Variants in NPAS2 observed in about 807,000 individuals in gnomAD.
NPAS2 encodes neuronal PAS domain-containing protein 2.
A neutral mutation model predicts 107.5 loss-of-function variants in NPAS2; 23 were observed. That is an observed-to-expected ratio of 0.21 (90% confidence interval 0.15 to 0.30). The LOEUF (loss-of-function observed/expected upper bound fraction) is 0.30. Among genes scored for constraint, NPAS2 ranks in the 10% least tolerant of loss-of-function variants. The pLI is 1.00. For missense variants in NPAS2, 756 were observed against 1,043.3 expected, an observed-to-expected ratio of 0.72 and a Z score of 3.79; for synonymous variants, 403 against 417.5, an observed-to-expected ratio of 0.97 and a Z score of 0.42.
chr2:100,961,191 G>A (rs1419090119), intron 7 of NPAS2, among the ~76,000 whole-genome samples: 2 of 152,108 alleles, frequency 1.3e-5, no homozygotes, highest in Non-Finnish European at 2.9e-5. Flanking sequence ...AAACTACCTT[G>A]GGATACAAAG....
At chr2:100,952,101 G>A (rs546861818) in intron 7 of NPAS2, among the ~76,000 whole-genome samples, 241 of 145,368 alleles carry the variant, frequency 1.7e-3, no homozygotes, top group African/African-American at 5.6e-3. Flanking sequence ...GCAGTGAGCC[G>A]AGATCGTGCC....
intron 12 of NPAS2, among the ~76,000 whole-genome samples, chr2:100,973,255 C>A (rs1485854280): frequency 6.6e-6 from 1 of 152,102 alleles, no homozygotes; most frequent in Admixed American, 6.5e-5. Context: ...CCCAAACTAT[C>A]CGTGGTATTG....
chr2:100,965,387 T>C lies in NPAS2; in HGVS notation c.801-273T>C, dbSNP rs772773322. Among the ~76,000 whole-genome samples, 3 of 152,216 alleles carry C rather than the reference T, an allele frequency of 2.0e-5. No individual in the cohort carries two copies. The highest frequency in any genetic ancestry group is 4.4e-5 in the Non-Finnish European group (3 of 68,032). On this transcript the variant is annotated intron_variant, in intron 9 of 20. Coordinates refer to ENST00000335681, the MANE Select transcript of NPAS2 (RefSeq NM_002518.4). This position sits in a 1 kb window ranked among gnomAD's most constrained non-coding sequence, Gnocchi z 4.3. ...ACTTTGGTGTTGGGCTGATCCAATT[T>C]GTAGCTGTTTTTAATTACCCAGTAG...
At chr2:100,975,696 G>C (rs1676942616) in intron 14 of NPAS2, 129 bp downstream of exon 14, 1 of 600,788 alleles carries the variant, frequency 1.7e-6, no homozygotes. Flanking sequence ...TAGGGTGGCA[G>C]ATGGGGGTGG....
intron 1 of NPAS2, among the ~76,000 whole-genome samples, chr2:100,898,785 TAAAAA>T (rs3042765): frequency 6.9e-6 from 1 of 144,212 alleles, no homozygotes. Flanking sequence ...GTCTTTCACC[TAAAAA>T]AAAAAAAAAA....
intron 1 of NPAS2, 111 bp from the exon 2 acceptor site, chr2:100,904,622 A>G: frequency 1.3e-6 from 1 of 755,108 alleles, no homozygotes; most frequent in Non-Finnish European, 2.2e-6. Context: ...AACAAGTTTG[A>G]GAACCACTGG....
At chr2:100,865,061 AT>A (rs1305419365) in intron 1 of NPAS2, among the ~76,000 whole-genome samples, 1 of 152,192 alleles carries the variant, frequency 6.6e-6, no homozygotes, top group Non-Finnish European at 1.5e-5. Context: ...TCCACTGTAC[AT>A]TTGTGAGAAA....
chr2:100,938,215 A>C (rs1288993715), intron 5 of NPAS2, among the ~76,000 whole-genome samples: 2 of 152,154 alleles, frequency 1.3e-5, no homozygotes, highest in Non-Finnish European at 2.9e-5. Flanking sequence ...TGATCAAGGG[A>C]GAGGACAACA....
At chr2:100,879,100 G>A (rs1329983803) in intron 1 of NPAS2, among the ~76,000 whole-genome samples, 3 of 148,454 alleles carry the variant, frequency 2.0e-5, no homozygotes, top group Non-Finnish European at 3.0e-5. Flanking sequence ...GCGACAGAGC[G>A]AGACTCTGTC....
At chr2:100,829,911 G>A (rs1178110846) in intron 1 of NPAS2, among the ~76,000 whole-genome samples, 1 of 152,136 alleles carries the variant, frequency 6.6e-6, no homozygotes, top group Non-Finnish European at 1.5e-5. Context: ...TCACTCCTAA[G>A]TGATAGTGCA....
intron 2 of NPAS2, among the ~76,000 whole-genome samples, chr2:100,921,793 G>A (rs1683244487): frequency 6.6e-6 from 1 of 152,088 alleles, no homozygotes; most frequent in Non-Finnish European, 1.5e-5. Flanking sequence ...TTAAACATAC[G>A]CTTAGCAGAT....
At chr2:100,920,950 C>T (rs757076286) in intron 2 of NPAS2, among the ~76,000 whole-genome samples, 7 of 152,218 alleles carry the variant, frequency 4.6e-5, no homozygotes, top group Non-Finnish European at 5.9e-5. Context: ...CTTGATTTCC[C>T]GCAGTACCCT....
intron 1 of NPAS2, among the ~76,000 whole-genome samples, chr2:100,824,261 G>A (rs1012722903): frequency 6.6e-6 from 1 of 152,198 alleles, no homozygotes; most frequent in East Asian, 1.9e-4. Context: ...GCAGGCAGCT[G>A]TGGAAGCTAA....
At chr2:100,865,709 T>C (rs888253381) in intron 1 of NPAS2, among the ~76,000 whole-genome samples, 1 of 152,274 alleles carries the variant, frequency 6.6e-6, no homozygotes, top group South Asian at 2.1e-4. Flanking sequence ...GGATCTCCAA[T>C]GCACATGCAG....
At chr2:100,933,490 T>C (rs1684103757) in intron 4 of NPAS2, among the ~76,000 whole-genome samples, 1 of 152,210 alleles carries the variant, frequency 6.6e-6, no homozygotes, top group African/African-American at 2.4e-5. Flanking sequence ...CATACAGATA[T>C]CAGCCACAGG....
chr2:100,842,081 G>GCGCGTGCACACACACACACACACACACA, intron 1 of NPAS2, among the ~76,000 whole-genome samples: 1 of 148,798 alleles, frequency 6.7e-6, no homozygotes, highest in Non-Finnish European at 1.5e-5. Flanking sequence ...GCATGTACGC[G>GCGCGTGCACACACACACACACACACACA]CACACACACA....
At chr2:100,880,970 T>G (rs1008139940) in intron 1 of NPAS2, among the ~76,000 whole-genome samples, 1 of 151,700 alleles carries the variant, frequency 6.6e-6, no homozygotes, top group Non-Finnish European at 1.5e-5. Flanking sequence ...GACTGTAGAG[T>G]GCCTGTCGGG....
chr2:100,909,638 T>C (rs1682404987), intron 2 of NPAS2, among the ~76,000 whole-genome samples: 1 of 152,180 alleles, frequency 6.6e-6, no homozygotes, highest in Non-Finnish European at 1.5e-5. Context: ...TTGCTGTGAT[T>C]TCCTTTCATA....
At chr2:100,857,115 G>A (rs1678625079) in intron 1 of NPAS2, among the ~76,000 whole-genome samples, 1 of 152,116 alleles carries the variant, frequency 6.6e-6, no homozygotes, top group South Asian at 2.1e-4. Context: ...AGACCAGCCT[G>A]GTCAATATGG....
Sources: gnomAD v4.1 joint callset for allele counts (sites outside exome capture counted in the v4.1 genomes callset) on GRCh38, gnomAD v4.1.1 for gene constraint, Gnocchi (gnomAD v3.1) non-coding constraint, MANE v1.5 for transcripts, NCBI Gene and HGNC (gene_info 2026-07-23, HGNC 2026-07-21) for gene names.